Variants in PSMA1 observed in about 807,000 individuals in gnomAD.
PSMA1 encodes the protein proteasome 20S subunit alpha 1.
In PSMA1, 3 loss-of-function variants were observed where a neutral mutation model predicts 38.4. The observed-to-expected ratio is 0.08, with a 90% confidence interval of 0.04 to 0.20. The LOEUF (loss-of-function observed/expected upper bound fraction) is 0.20, where lower values mean the gene tolerates loss of function less well. Among genes scored for constraint, PSMA1 ranks in the 10% least tolerant of loss-of-function variants. PSMA1 has a pLI of 1.00. For synonymous variants in PSMA1, 101 were observed against 107.1 expected (o/e 0.94, Z 0.35); for missense variants, 227 against 325.3 (o/e 0.70, Z 2.32).
chr11:14,520,436 C>T (rs1489277611), upstream of PSMA1: 2 of 1,597,116 alleles, frequency 1.3e-6, no homozygotes, highest in Non-Finnish European at 1.7e-6. Context: ...CAGTCTATTC[C>T]AGAGATATCG....
intron 1 of PSMA1, among the ~76,000 whole-genome samples, chr11:14,615,268 C>G (rs1160491872): frequency 6.6e-6 from 1 of 152,206 alleles, no homozygotes; most frequent in African/African-American, 2.4e-5. Context: ...CGCTTCTGTG[C>G]TGGGTTGTTC....
Position 14,534,517 on chromosome 11 carries a change from C to T in PSMA1, c.22-15476G>A, listed in dbSNP as rs1479482380. Among the ~76,000 whole-genome samples, 1 of 152,082 alleles carries T rather than the reference C, an allele frequency of 6.6e-6. No homozygotes were observed. The highest frequency in any genetic ancestry group is 1.5e-5 in the Non-Finnish European group (1 of 68,014). On this transcript the variant is annotated intron_variant, in intron 2 of 10. Transcript: ENST00000418988. The surrounding 1 kb of genome is among the most constrained non-coding windows in gnomAD (Gnocchi z 4.5). ...TGTTTATTTTTAGGACAGGCTTTTG[C>T]TCTGTTGCCCAGGCTGGAGTGCAGT...
intron 1 of PSMA1, chr11:14,611,177 G>A: frequency 3.5e-6 from 2 of 566,602 alleles, no homozygotes; most frequent in South Asian, 4.6e-5. Context: ...GAAGGTAAAA[G>A]GAACATGAGT....
At chr11:14,539,635 G>A (rs968770644) in intron 2 of PSMA1, among the ~76,000 whole-genome samples, 1 of 152,070 alleles carries the variant, frequency 6.6e-6, no homozygotes, top group African/African-American at 2.4e-5. Context: ...CACGAAGTCA[G>A]GAGATGGAGA....
At chr11:14,554,315 T>C (rs978559205) in intron 2 of PSMA1, among the ~76,000 whole-genome samples, 1 of 152,162 alleles carries the variant, frequency 6.6e-6, no homozygotes, top group African/African-American at 2.4e-5. Context: ...AGTTTTAAGT[T>C]TGATGAAGTC....
intron 7 of PSMA1, among the ~76,000 whole-genome samples, chr11:14,512,987 A>G (rs1399344951): frequency 1.3e-5 from 2 of 152,198 alleles, no homozygotes; most frequent in Admixed American, 6.5e-5. Context: ...CATTCACTAA[A>G]CCCCAAATAT....
chr11:14,610,386 TCCTGTGCCACAGAGGCTATTG>T (rs1852695852), intron 2 of PSMA1, among the ~76,000 whole-genome samples: 1 of 152,016 alleles, frequency 6.6e-6, no homozygotes, highest in Non-Finnish European at 1.5e-5. Flanking sequence ...GGTATCTCAA[TCCTGTGCCACAGAGGCTATTG>T]CCTGTACCTC....
At chr11:14,579,509 T>A (rs1473350) in intron 2 of PSMA1, among the ~76,000 whole-genome samples, 146 of 125,362 alleles carry the variant, frequency 1.2e-3, no homozygotes, top group East Asian at 4.5e-3. Flanking sequence ...TTTTTTTTTT[T>A]AAATAAGGTA....
Position 14,573,247 on chromosome 11 carries a change from G to A in PSMA1, c.21+37719C>T, listed in dbSNP as rs190149755. On this transcript the variant is annotated intron_variant, in intron 2 of 10. Coordinates refer to the PSMA1 transcript ENST00000418988. ...TAGATCAATATCCCTGATGGACATCGATGCAAATATCCTCAATAAAATACT... is the reference window on the plus strand; with the variant it reads ...TAGATCAATATCCCTGATGGACATCAATGCAAATATCCTCAATAAAATACT... Among the ~76,000 whole-genome samples the A allele has an allele frequency of 4.2e-3, 637 of 152,230 alleles. 3 individuals carry two copies. Among genetic ancestry groups the A allele is most frequent in the African/African-American group, 0.015 (607 of 41,552 alleles).
At chr11:14,533,069 A>G (rs1489873748) in intron 2 of PSMA1, among the ~76,000 whole-genome samples, 1 of 152,216 alleles carries the variant, frequency 6.6e-6, no homozygotes, top group Non-Finnish European at 1.5e-5. Flanking sequence ...ATGTATATAC[A>G]TCGTGTGTAC....
chr11:14,514,234 T>C, intron 5 of PSMA1, 169 bp downstream of exon 5: 6 of 1,364,460 alleles, frequency 4.4e-6, no homozygotes, highest in Non-Finnish European at 5.7e-6. Context: ...TATTTGTGTC[T>C]AGCAAATATA....
At position 14,607,376 on chromosome 11, in the gene PSMA1, T is replaced by C. The variant is rs1460896807; in HGVS notation, c.21+3590A>G. Among the ~76,000 whole-genome samples, 3 of 152,322 alleles carry C rather than the reference T, an allele frequency of 2.0e-5. No homozygotes were observed. In the East Asian group the frequency reaches 5.8e-4, roughly 29 times the overall value. ...TCTATTCTTACTTTCACAAGGCTGTTCTCCTAACACTAATTGTGATGCTCT... is the reference window on the plus strand; with the variant it reads ...TCTATTCTTACTTTCACAAGGCTGTCCTCCTAACACTAATTGTGATGCTCT... On this transcript the variant is annotated intron_variant, in intron 2 of 10. Transcript: ENST00000418988.
At chr11:14,574,504 T>G (rs1366187373) in intron 2 of PSMA1, among the ~76,000 whole-genome samples, 1 of 152,130 alleles carries the variant, frequency 6.6e-6, no homozygotes, top group African/African-American at 2.4e-5. Context: ...TATGGTGATA[T>G]GGTTTGGCTG....
chr11:14,529,737 T>G (rs377671453), intron 2 of PSMA1, among the ~76,000 whole-genome samples: 10 of 152,244 alleles, frequency 6.6e-5, no homozygotes, highest in African/African-American at 2.4e-4. Flanking sequence ...GTGCTTACCC[T>G]TGGGTAAATA....
upstream of PSMA1, among the ~76,000 whole-genome samples, chr11:14,521,771 A>AT (rs1851533171): frequency 6.6e-6 from 1 of 151,386 alleles, no homozygotes; most frequent in East Asian, 1.9e-4. Flanking sequence ...ATCTCAAAAA[A>AT]AAAAAAACAA....
At chr11:14,611,845 G>A (rs1473520550) in intron 1 of PSMA1, among the ~76,000 whole-genome samples, 1 of 151,902 alleles carries the variant, frequency 6.6e-6, no homozygotes, top group Non-Finnish European at 1.5e-5. Flanking sequence ...TTTCAAGGGA[G>A]TCTTGTAACA....
rs34162548 is a variant in PSMA1 at position 14,534,674 on chromosome 11, C to T, written c.22-15633G>A. ...TTACTGTGTTTTTTCCCTTTCAATA[C>T]TATCCATCTGGAGAAGGGAGAATAT... On this transcript the variant is annotated intron_variant, in intron 2 of 10. Coordinates refer to the PSMA1 transcript ENST00000418988. This position sits in a 1 kb window ranked among gnomAD's most constrained non-coding sequence, Gnocchi z 4.5. Among the ~76,000 whole-genome samples, 5,099 of 152,070 alleles carry T rather than the reference C, an allele frequency of 0.034. 110 individuals carry two copies. Among genetic ancestry groups the T allele is most frequent in the Non-Finnish European group, 0.049 (3,324 of 68,000 alleles).
chr11:14,546,132 TTC>T (rs556789029), intron 2 of PSMA1, among the ~76,000 whole-genome samples: 36 of 149,938 alleles, frequency 2.4e-4, no homozygotes, highest in Non-Finnish European at 3.3e-4. Context: ...AATTCTACCT[TTC>T]TCTCTCTCTC....
rs755256200 is a variant in PSMA1, at chr11:14,513,698, T to G, written c.416A>C (p.Asp139Ala). Residue 139 changes from aspartate to alanine, a missense_variant and splice_region_variant, in exon 7 of 10, where the codon GAT becomes GCT. Coordinates refer to ENST00000396394, the MANE Select transcript of PSMA1 (RefSeq NM_002786.4). ...GGTTTGGAAAATGTGAGGGCCCATA[T>G]CCTACAAATAGAAATAAATACACCA... The part of the protein sequence containing the change: ...GVGLLIAGYD[D>A]MGPHIFQTCP... The G allele has an allele frequency of 6.3e-7, 1 of 1,576,098 alleles. No homozygotes were observed. Among genetic ancestry groups the G allele is most frequent in the South Asian group, 1.2e-5 (1 of 83,362 alleles).
Sources: allele counts gnomAD v4.1 joint callset (sites outside exome capture counted in the v4.1 genomes callset), GRCh38; gene constraint gnomAD v4.1.1; non-coding constraint Gnocchi (gnomAD v3.1); transcripts MANE v1.5; gene names NCBI Gene and HGNC (gene_info 2026-07-23, HGNC 2026-07-21).